Variants in RBFOX2 observed in about 807,000 individuals in gnomAD.
The protein encoded by RBFOX2 is RNA binding fox-1 homolog 2, also known as RNA binding protein fox-1 homolog 2.
RBFOX2 carries 10 observed loss-of-function variants against 49.1 expected under a neutral mutation model. The observed-to-expected ratio is 0.20, with a 90% CI of 0.13 to 0.35. The LOEUF (loss-of-function observed/expected upper bound fraction) is 0.35. RBFOX2 is among the 10% of genes least tolerant of loss of function. The probability of loss-of-function intolerance (pLI) is 1.00; values close to 1 mark genes in which losing one functional copy is unlikely to be tolerated. For synonymous variants in RBFOX2, 183 were observed against 187.4 expected, an observed-to-expected ratio of 0.98 and a Z score of 0.19; for missense variants, 323 against 486.9, an observed-to-expected ratio of 0.66 and a Z score of 3.17.
At chr22:35,944,258 A>G (rs935070977) in intron 1 of RBFOX2, among the ~76,000 whole-genome samples, 2 of 152,206 alleles carry the variant, frequency 1.3e-5, no homozygotes, top group Non-Finnish European at 2.9e-5. Context: ...GAGGTGAGTG[A>G]TAACTTCAAA....
Position 35,860,482 on chromosome 22 carries a change from G to C in RBFOX2, c.-33-50478C>G, listed in dbSNP as rs925621662. 3.3e-5 allele frequency among the ~76,000 whole-genome samples: 5 copies of C among 152,168 alleles called. No individual in the cohort carries two copies. The South Asian group carries it at 1.0e-3, about 32-fold the overall frequency. On this transcript the variant is annotated intron_variant, in intron 1 of 13. Transcript: ENST00000359369. ...TGAGCAAATAAATGATTAACACTTTGTTAAGCTATTAAGTTGTGGGAAAGT... is the reference window on the plus strand; with the variant it reads ...TGAGCAAATAAATGATTAACACTTTCTTAAGCTATTAAGTTGTGGGAAAGT...
chr22:35,824,989 G>A (rs538895861), intron 1 of RBFOX2, among the ~76,000 whole-genome samples: 2 of 152,344 alleles, frequency 1.3e-5, no homozygotes, highest in African/African-American at 2.4e-5. Flanking sequence ...GGAGGCCGAG[G>A]CGGGTGGATC....
At chr22:35,776,941 T>C (rs970874948) in intron 4 of RBFOX2, among the ~76,000 whole-genome samples, 2 of 152,130 alleles carry the variant, frequency 1.3e-5, no homozygotes, top group Middle Eastern at 3.2e-3. Flanking sequence ...CTTAAAAACA[T>C]TGCTGTTTCT....
chr22:35,752,152 A>G (rs1317525419), intron 9 of RBFOX2, among the ~76,000 whole-genome samples: 1 of 152,232 alleles, frequency 6.6e-6, no homozygotes. Flanking sequence ...GCACAGTCCA[A>G]TTACAACTGG....
chr22:35,854,145 G>C (rs1202505434), intron 1 of RBFOX2, among the ~76,000 whole-genome samples: 1 of 152,110 alleles, frequency 6.6e-6, no homozygotes, highest in Non-Finnish European at 1.5e-5. Context: ...CTGGGAGGCG[G>C]AGGTTGCAGT....
Position 35,877,179 on chromosome 22 carries a change from GAAAC to G in RBFOX2, c.-34+61664_-34+61667del, listed in dbSNP as rs1328459526. On this transcript the variant is annotated intron_variant, in intron 1 of 13. Coordinates refer to the RBFOX2 transcript ENST00000359369. ...ATTAGGTAATTTTTTATTTGATAAT[GAAAC>G]AAAGACATGAAGATAAGGAAAAAGA... Among the ~76,000 whole-genome samples the G allele has an allele frequency of 2.0e-5, 3 of 152,022 alleles. No individual in the cohort carries two copies. In the East Asian group the frequency reaches 5.8e-4, roughly 29 times the overall value.
chr22:35,839,908 A>T (rs1283305764), intron 1 of RBFOX2, among the ~76,000 whole-genome samples: 1 of 152,196 alleles, frequency 6.6e-6, no homozygotes, highest in Non-Finnish European at 1.5e-5. Flanking sequence ...ACCAAGACAA[A>T]GAGGTAGACA....
At chr22:35,807,348 G>A (rs1028932114) in intron 2 of RBFOX2, among the ~76,000 whole-genome samples, 12 of 152,000 alleles carry the variant, frequency 7.9e-5, no homozygotes, top group African/African-American at 2.9e-4. Context: ...TGGAAAGACT[G>A]TCTAGTAAAC....
chr22:35,851,591 C>G (rs1473632210), intron 1 of RBFOX2, among the ~76,000 whole-genome samples: 5 of 152,274 alleles, frequency 3.3e-5, no homozygotes, highest in Non-Finnish European at 5.9e-5. Flanking sequence ...CTTTGGGAGG[C>G]TGAGGCAGGG....
At chr22:35,744,178 T>C (rs748563938) in exon 12 of RBFOX2, 1 of 1,603,968 alleles carries the variant, frequency 6.2e-7, no homozygotes, top group South Asian at 1.1e-5. Flanking sequence ...TGGGGGGCTG[T>C]CCCATTTGCA....
chr22:35,970,919 A>C (rs2056837229), intron 1 of RBFOX2, among the ~76,000 whole-genome samples: 1 of 152,164 alleles, frequency 6.6e-6, no homozygotes, highest in South Asian at 2.1e-4. Flanking sequence ...AGCTAGACCC[A>C]AAAAACTAAC....
At chr22:35,831,051 CCT>C (rs1372092993) in intron 1 of RBFOX2, among the ~76,000 whole-genome samples, 2 of 152,154 alleles carry the variant, frequency 1.3e-5, no homozygotes, top group South Asian at 2.1e-4. Context: ...GTCCTGTATC[CCT>C]CTGAGTCAGG....
intron 1 of RBFOX2, among the ~76,000 whole-genome samples, chr22:36,022,686 G>A (rs1181491067): frequency 6.6e-6 from 1 of 152,182 alleles, no homozygotes; most frequent in African/African-American, 2.4e-5. Flanking sequence ...CAGTGTAATG[G>A]TATTTGGAGG....
chr22:35,795,479 T>C (rs746953677), intron 2 of RBFOX2, among the ~76,000 whole-genome samples: 19 of 152,118 alleles, frequency 1.2e-4, no homozygotes, highest in Non-Finnish European at 1.9e-4. Flanking sequence ...TTAAGGGCTA[T>C]ACCTTCTTGG....
intron 2 of RBFOX2, among the ~76,000 whole-genome samples, chr22:35,791,802 G>A (rs1569127731): frequency 6.6e-6 from 1 of 152,148 alleles, no homozygotes; most frequent in African/African-American, 2.4e-5. Flanking sequence ...TCGAATGGGA[G>A]GGGGTGGTGA....
rs531401534 is a variant in RBFOX2 at position 35,766,240 on chromosome 22, G to A, written c.547-757C>T. 8.5e-5 allele frequency among the ~76,000 whole-genome samples: 13 copies of A among 152,266 alleles called. No homozygotes were observed. The South Asian group carries it at 2.5e-3, about 29-fold the overall frequency. On this transcript the variant is annotated intron_variant, in intron 5 of 11. Coordinates refer to ENST00000405409, the Ensembl canonical transcript of RBFOX2. ...GCTGCTGCTGAAGAAAAGATGAATG[G>A]AACTAAGATGTCAGCATACTGCAGC...
chr22:35,791,894 T>G (rs966950689), intron 2 of RBFOX2, among the ~76,000 whole-genome samples: 10 of 152,188 alleles, frequency 6.6e-5, no homozygotes, highest in African/African-American at 2.4e-4. Flanking sequence ...CAACATTTAG[T>G]GTAAGGGACA....
upstream of RBFOX2, among the ~76,000 whole-genome samples, chr22:35,941,211 C>T (rs1034325006): frequency 1.5e-4 from 23 of 151,938 alleles, no homozygotes; most frequent in African/African-American, 5.3e-4. Context: ...AGGCTCTTTC[C>T]GAAATGCACA....
chr22:35,846,052 CAT>C (rs2041139354), intron 1 of RBFOX2, among the ~76,000 whole-genome samples: 2 of 150,022 alleles, frequency 1.3e-5, no homozygotes, highest in South Asian at 2.1e-4. Flanking sequence ...ACTATACTTG[CAT>C]ATGTTAATAT....
Sources: allele counts gnomAD v4.1 joint callset (sites outside exome capture counted in the v4.1 genomes callset), GRCh38; gene constraint gnomAD v4.1.1; transcripts MANE v1.5; gene names NCBI Gene and HGNC (gene_info 2026-07-23, HGNC 2026-07-21).